ZNF100: variants seen among roughly 807,000 people sequenced by gnomAD.
ZNF100 encodes the protein zinc finger protein 100, also known as zinc finger protein 100 (Y1).
Under a neutral mutation model 15.8 loss-of-function variants are expected in ZNF100, and 12 were observed. That is an observed-to-expected ratio of 0.76 (90% CI 0.49 to 1.23). The LOEUF (loss-of-function observed/expected upper bound fraction) is 1.23, where lower values mean the gene tolerates loss of function less well. Ranked by LOEUF, ZNF100 falls within the 50% of genes most tolerant of loss-of-function variation. The pLI, the probability that ZNF100 is intolerant of heterozygous loss-of-function variation, is 0.00. For missense variants in ZNF100, 670 were observed against 635.6 expected, an observed-to-expected ratio of 1.05 and a Z score of -0.58; for synonymous variants, 226 against 214.8, an observed-to-expected ratio of 1.05 and a Z score of -0.45.
chr19:21,742,814 T>C (rs938057204), intron 4 of ZNF100, among the ~76,000 whole-genome samples: 13 of 152,124 alleles, frequency 8.5e-5, no homozygotes, highest in Admixed American at 7.9e-4. Flanking sequence ...TATAAACTAC[T>C]GTTCCATACA....
Position 21,722,856 on chromosome 19 carries a change from CTT to C in ZNF100, c.*3825_*3826del, listed in dbSNP as rs1379820789. The stretch of plus-strand genomic sequence containing the variant: ...TAAAATTGTTCACTTACCATTAACT[CTT>C]AAAAATTTAATTTCTACATTTTCTT... On this transcript the variant is annotated 3_prime_UTR_variant, in exon 5 of 5. Transcript: ENST00000358296. 6.6e-6 allele frequency: 1 copy of C among 150,524 alleles called. No individual in the cohort carries two copies. The highest frequency in any genetic ancestry group is 1.5e-5 in the Non-Finnish European group (1 of 67,814). The allele number at this position is 150,524 out of a possible 1,614,324, so 9.3% of individuals were successfully genotyped here. A position where few individuals can be genotyped will look rare whatever the true frequency, so the allele number is the denominator to read the frequency against.
chr19:21,745,762 T>C (rs1221592051), intron 2 of ZNF100, among the ~76,000 whole-genome samples: 1 of 152,104 alleles, frequency 6.6e-6, no homozygotes, highest in Non-Finnish European at 1.5e-5. Context: ...GACCTCATGA[T>C]CCACCCGCCT....
chr19:21,739,081 T>C (rs1439525874), intron 4 of ZNF100, among the ~76,000 whole-genome samples: 1 of 152,210 alleles, frequency 6.6e-6, no homozygotes. Context: ...AACACCTCCC[T>C]ACCAGGTTCC....
intron 4 of ZNF100, among the ~76,000 whole-genome samples, chr19:21,741,385 T>C (rs1015324076): frequency 1.3e-5 from 2 of 151,462 alleles, no homozygotes; most frequent in African/African-American, 4.9e-5. Context: ...ATTATTATTA[T>C]TTTTTTTGAG....
chr19:21,750,741 G>T (rs929931888), intron 2 of ZNF100: 3 of 323,712 alleles, frequency 9.3e-6, no homozygotes, highest in African/African-American at 6.4e-5. Context: ...GCTTGCGCGG[G>T]TGCAGCCTGG....
At position 21,758,614 on chromosome 19, in the gene ZNF100, G is replaced by A. The variant is rs1004413799; in HGVS notation, c.96+7080C>T. ...TGCAGATTCATTGTCTGGGGGTTGG[G>A]ATATGCCAGGAGACTTGTGGACACT... is the stretch of plus-strand genomic sequence containing the variant. On this transcript the variant is annotated intron_variant, in intron 2 of 4. Transcript: ENST00000358296. 5.3e-4 allele frequency among the ~76,000 whole-genome samples: 80 copies of A among 152,286 alleles called. 1 individual carries two copies. The highest frequency in any genetic ancestry group is 1.8e-3 in the African/African-American group (75 of 41,562).
rs2035763771 is a variant in ZNF100 at position 21,725,563 on chromosome 19, C to T, written c.*1120G>A. 6.6e-6 allele frequency: 1 copy of T among 151,982 alleles called. No homozygotes were observed. The highest frequency in any genetic ancestry group is 2.1e-4 in the South Asian group (1 of 4,830). 9.4% of individuals were successfully genotyped at this position (151,982 alleles called of 1,614,324 possible). On this transcript the variant is annotated 3_prime_UTR_variant, in exon 5 of 5. Transcript: ENST00000358296. ...TAATGCTCACCTAATAAAAAAGAAT[C>T]TCTCATATCTGATGCAGCAACAATT...
chr19:21,767,295 G>A (rs2145755322), intron 1 of ZNF100, 132 bp downstream of exon 1: 3 of 1,500,294 alleles, frequency 2.0e-6, no homozygotes, highest in East Asian at 4.5e-5. Context: ...CGAAGGGGAC[G>A]GAGGCCGAGC....
At chr19:21,753,541 C>A (rs1219382922) in intron 2 of ZNF100, 1 of 152,208 alleles carries the variant, frequency 6.6e-6, no homozygotes. Context: ...CATGATCATG[C>A]TACTGCACTC....
intron 1 of ZNF100, among the ~76,000 whole-genome samples, chr19:21,766,433 T>C (rs2036562828): frequency 7.1e-6 from 1 of 141,528 alleles, no homozygotes; most frequent in Non-Finnish European, 1.5e-5. Flanking sequence ...AAAAAAAATC[T>C]AACTCAGGTG....
chr19:21,765,827 A>G (rs1330915068), intron 1 of ZNF100, 41 bp from the exon 2 acceptor site: 8 of 1,567,874 alleles, frequency 5.1e-6, no homozygotes, highest in African/African-American at 1.3e-5. Context: ...TTCACTAGGC[A>G]CTTTAGCTGA....
rs752896927 is a variant in ZNF100, at chr19:21,727,118, C to A, written c.1194G>T (p.Glu398Asp). Reference protein sequence around the residue: ...LTKHKTSHTGEKFYKCEECGK... With the variant: ...LTKHKTSHTGDKFYKCEECGK... ...CGCATTCTTCACATTTGTAGAATTT[C>A]TCTCCAGTATGACTTGTCTTATGTT... The change falls in exon 5 of 5, where the codon GAG (glutamate) becomes GAT (aspartate). Residue 398 changes from glutamate (E) to aspartate (D), a missense_variant. Transcript: ENST00000358296. The A allele has an allele frequency of 3.1e-6, 5 of 1,611,742 alleles. No individual in the cohort carries two copies. The African/African-American group carries it at 6.7e-5, about 22-fold the overall frequency.
intron 2 of ZNF100, chr19:21,751,509 C>T: frequency 1.8e-6 from 2 of 1,082,680 alleles, no homozygotes; most frequent in Non-Finnish European, 2.9e-6. Flanking sequence ...TTAACTTATG[C>T]TGAAATCGAC....
chr19:21,751,488 T>C (rs1599398715), intron 2 of ZNF100: 6 of 991,622 alleles, frequency 6.1e-6, no homozygotes, highest in Admixed American at 3.4e-5. Context: ...CTGGTTTACT[T>C]AGAAAGGCTT....
Position 21,767,538 on chromosome 19 carries a change from A to C in ZNF100, c.-109T>G. On this transcript the variant is annotated 5_prime_UTR_variant, in exon 1 of 5. Transcript: ENST00000358296. ...TAGGAGCAGAAGACACAGAGAAGTG[A>C]GAGCAAAACCTGGAGCTCCGGCTAC... 6.7e-7 allele frequency: 1 copy of C among 1,502,258 alleles called. No individual in the cohort carries two copies. The highest frequency in any genetic ancestry group is 9.0e-7 in the Non-Finnish European group (1 of 1,107,080). The allele number at this position is 1,502,258 out of a possible 1,614,324, so 93.1% of individuals were successfully genotyped here.
chr19:21,765,558 C>T (rs2036543939), intron 2 of ZNF100, 136 bp downstream of exon 2: 2 of 738,200 alleles, frequency 2.7e-6, no homozygotes, highest in African/African-American at 3.5e-5. Context: ...TTCTGCCCCC[C>T]TTAGATGATC....
intron 2 of ZNF100, among the ~76,000 whole-genome samples, chr19:21,753,903 C>T (rs1276468244): frequency 3.3e-5 from 5 of 152,120 alleles, no homozygotes; most frequent in Admixed American, 2.0e-4. Flanking sequence ...CCATTAAGTC[C>T]TGCTATTTAA....
chr19:21,732,157 C>T (rs918817688), intron 4 of ZNF100, among the ~76,000 whole-genome samples: 13 of 151,198 alleles, frequency 8.6e-5, no homozygotes, highest in African/African-American at 2.4e-4. Context: ...GGCGACAGAG[C>T]GAGACTCCGT....
chr19:21,748,922 T>A (rs1268311619), intron 2 of ZNF100, among the ~76,000 whole-genome samples: 2 of 152,194 alleles, frequency 1.3e-5, no homozygotes, highest in African/African-American at 4.8e-5. Context: ...TTCAGGCTGA[T>A]CTCGAACTCC....
Sources: gnomAD v4.1 joint callset for allele counts (sites outside exome capture counted in the v4.1 genomes callset) on GRCh38, gnomAD v4.1.1 for gene constraint, MANE v1.5 for transcripts, NCBI Gene and HGNC (gene_info 2026-07-23, HGNC 2026-07-21) for gene names.